Variants in ZCCHC17 observed in about 807,000 individuals in gnomAD.
The protein encoded by ZCCHC17 is zinc finger CCHC-type containing 17.
Under a neutral mutation model 30.6 loss-of-function variants are expected in ZCCHC17, and 18 were observed. The ratio of observed to expected loss-of-function variants is 0.59; its 90% CI spans 0.41 to 0.87. The LOEUF is 0.87. Ranked by LOEUF, ZCCHC17 falls within the 40% of genes least tolerant of loss-of-function variation. The pLI is 0.00. For missense variants in ZCCHC17, 263 were observed against 284.2 expected (o/e 0.93, Z 0.54); for synonymous variants, 88 against 92.4 (o/e 0.95, Z 0.27).
chr1:31,355,827 C>T (rs1352397326), intron 7 of ZCCHC17, among the ~76,000 whole-genome samples: 1 of 152,144 alleles, frequency 6.6e-6, no homozygotes, highest in Non-Finnish European at 1.5e-5. Flanking sequence ...ATCAAGATTC[C>T]AGCCCTCCTG....
At chr1:31,313,871 CTTTTTTTTT>C (rs34717953) in intron 2 of ZCCHC17, among the ~76,000 whole-genome samples, 1 of 146,414 alleles carries the variant, frequency 6.8e-6, no homozygotes, top group Non-Finnish European at 1.5e-5. Context: ...TCTTCTTTCT[CTTTTTTTTT>C]TTTGGACAGA....
At chr1:31,314,248 T>C (rs928420714) in intron 2 of ZCCHC17, among the ~76,000 whole-genome samples, 1 of 152,168 alleles carries the variant, frequency 6.6e-6, no homozygotes, top group African/African-American at 2.4e-5. Flanking sequence ...TCTTTAGGAA[T>C]GTTCAGAGAG....
intron 5 of ZCCHC17, among the ~76,000 whole-genome samples, chr1:31,346,133 A>G: frequency 6.6e-6 from 1 of 152,188 alleles, no homozygotes; most frequent in East Asian, 1.9e-4. Context: ...TGGTGAGGTG[A>G]GAGTCAAGTG....
intron 7 of ZCCHC17, among the ~76,000 whole-genome samples, chr1:31,359,267 G>C (rs1639770894): frequency 6.6e-6 from 1 of 152,112 alleles, no homozygotes; most frequent in Non-Finnish European, 1.5e-5. Context: ...TGTAATCCCA[G>C]CACTTTGGGA....
chr1:31,304,582 GCTCAATGTTATATA>G (rs1646403419), intron 1 of ZCCHC17, among the ~76,000 whole-genome samples: 1 of 151,348 alleles, frequency 6.6e-6, no homozygotes, highest in South Asian at 2.1e-4. Flanking sequence ...ACCGTGCCTG[GCTCAATGTTATATA>G]CTCTTATTTT....
At chr1:31,339,956 A>ATTTTTTTTTTTTTT (rs1258794486) in intron 5 of ZCCHC17, among the ~76,000 whole-genome samples, 3 of 58,648 alleles carry the variant, frequency 5.1e-5, no homozygotes, top group African/African-American at 1.6e-4. Flanking sequence ...TCTTTCTTGG[A>ATTTTTTTTTTTTTT]TTTCTTTTTT....
intron 1 of ZCCHC17, among the ~76,000 whole-genome samples, chr1:31,304,971 A>G (rs1448904377): frequency 1.3e-5 from 2 of 152,208 alleles, no homozygotes; most frequent in African/African-American, 4.8e-5. Context: ...TGTAAACTGG[A>G]TCAAAGCAGA....
At chr1:31,310,602 T>A (rs1646577214) in intron 2 of ZCCHC17, among the ~76,000 whole-genome samples, 1 of 152,206 alleles carries the variant, frequency 6.6e-6, no homozygotes, top group Non-Finnish European at 1.5e-5. Flanking sequence ...TCTTACCCTC[T>A]TACCTTCCAC....
intron 1 of ZCCHC17, among the ~76,000 whole-genome samples, chr1:31,307,800 C>T (rs1341961312): frequency 6.6e-6 from 1 of 152,116 alleles, no homozygotes; most frequent in African/African-American, 2.4e-5. Flanking sequence ...GTCTCGAACT[C>T]CTGACCTCAG....
chr1:31,310,009 A>C, intron 1 of ZCCHC17, 35 bp from the exon 2 acceptor site: 1 of 1,237,544 alleles, frequency 8.1e-7, no homozygotes, highest in Non-Finnish European at 1.2e-6. Flanking sequence ...TAATGCAGAT[A>C]TCTCTCTAAT....
intron 5 of ZCCHC17, among the ~76,000 whole-genome samples, chr1:31,340,769 T>G (rs1050797215): frequency 5.3e-5 from 8 of 152,246 alleles, no homozygotes; most frequent in Admixed American, 3.9e-4. Context: ...CAATGACAAT[T>G]ATGTCATTGA....
chr1:31,307,046 C>T (rs1016688531), intron 1 of ZCCHC17, among the ~76,000 whole-genome samples: 1 of 152,194 alleles, frequency 6.6e-6, no homozygotes, highest in East Asian at 1.9e-4. Flanking sequence ...CTATGTTGGC[C>T]GGGATGGTCT....
At chr1:31,325,000 A>G (rs940248010) in intron 3 of ZCCHC17, among the ~76,000 whole-genome samples, 1 of 152,116 alleles carries the variant, frequency 6.6e-6, no homozygotes, top group African/African-American at 2.4e-5. Flanking sequence ...GTCAGCACAC[A>G]CTTCTGAAGA....
At chr1:31,350,280 T>C (rs1338144011) in intron 7 of ZCCHC17, among the ~76,000 whole-genome samples, 1 of 152,214 alleles carries the variant, frequency 6.6e-6, no homozygotes, top group East Asian at 1.9e-4. Context: ...GCATTGTAAC[T>C]CTAGGAATAC....
chr1:31,363,891 G>A, intron 7 of ZCCHC17, 141 bp from the exon 8 acceptor site: 1 of 1,344,274 alleles, frequency 7.4e-7, no homozygotes, highest in Non-Finnish European at 9.9e-7. Context: ...TTGAACTCCT[G>A]GCCTCAAGCA....
chr1:31,315,924 A>T (rs946920462), intron 2 of ZCCHC17, among the ~76,000 whole-genome samples: 3 of 152,216 alleles, frequency 2.0e-5, no homozygotes, highest in African/African-American at 4.8e-5. Flanking sequence ...AGTTGAGTGC[A>T]TCCATTCTGG....
rs927416259 is a variant in ZCCHC17, at chr1:31,356,984, G to T, written c.565-7048G>T. On this transcript the variant is annotated intron_variant, in intron 7 of 7. Coordinates refer to ENST00000344147, the MANE Select transcript of ZCCHC17 (RefSeq NM_016505.4). The stretch of plus-strand genomic sequence containing the variant: ...TGAACTTGTGGTCTGTGCTTTACTG[G>T]CCTCTTTCATTAATCATATGCCATC... Among the ~76,000 whole-genome samples the T allele has an allele frequency of 5.9e-5, 9 of 152,270 alleles. No homozygotes were observed. The South Asian group carries it at 1.7e-3, about 28-fold the overall frequency.
chr1:31,323,219 A>G (rs1389600209), intron 3 of ZCCHC17, among the ~76,000 whole-genome samples: 1 of 152,236 alleles, frequency 6.6e-6, no homozygotes, highest in Non-Finnish European at 1.5e-5. Context: ...CTTATACCAC[A>G]GTATCAATGC....
intron 7 of ZCCHC17, among the ~76,000 whole-genome samples, chr1:31,360,732 A>C (rs1157459646): frequency 6.6e-6 from 1 of 152,186 alleles, no homozygotes; most frequent in Non-Finnish European, 1.5e-5. Flanking sequence ...GAGAGAACAA[A>C]GTGGAAATAG....
Sources: gnomAD v4.1 joint callset for allele counts (sites outside exome capture counted in the v4.1 genomes callset) on GRCh38, gnomAD v4.1.1 for gene constraint, MANE v1.5 for transcripts, NCBI Gene and HGNC (gene_info 2026-07-23, HGNC 2026-07-21) for gene names.